DCP2: variants seen among roughly 807,000 people sequenced by gnomAD.
DCP2 encodes decapping mRNA 2, also known as m7GpppN-mRNA hydrolase.
A neutral mutation model predicts 56.1 loss-of-function variants in DCP2; 30 were observed. The ratio of observed to expected loss-of-function variants is 0.53; its 90% confidence interval spans 0.40 to 0.73. The LOEUF (loss-of-function observed/expected upper bound fraction) is 0.73. DCP2 is among the 30% of genes least tolerant of loss of function. The probability of loss-of-function intolerance (pLI) is 0.00; values close to 1 mark genes in which losing one functional copy is unlikely to be tolerated. For synonymous variants in DCP2, 197 were observed against 163.3 expected, an observed-to-expected ratio of 1.21 and a Z score of -1.57; for missense variants, 533 against 502.7, an observed-to-expected ratio of 1.06 and a Z score of -0.58.
At position 113,013,429 on chromosome 5, in the gene DCP2, C is replaced by T; in HGVS notation, c.1208C>T (p.Ala403Val). 6.2e-7 allele frequency: 1 copy of T among 1,614,058 alleles called. No individual in the cohort carries two copies. Among genetic ancestry groups the T allele is most frequent in the Non-Finnish European group, 8.5e-7 (1 of 1,179,974 alleles). The change falls in exon 11 of 11, where the codon GCC becomes GTC. Residue 403 changes from alanine to valine, a missense_variant. Ala to Val is a moderately conservative substitution (Grantham distance 64). Around this residue, in one of 3 missense-constraint regions of DCP2, gnomAD observed 392 missense variants for 346.6 expected, o/e 1.13. Transcript: ENST00000389063. The part of the protein sequence containing the change: ...GHCKFPFSSR[A>V]FLSFKFDHNA... ...TGCAAGTTCCCCTTTTCATCCAGAG[C>T]CTTTTTGAGTTTCAAGTTTGACCAT...
Position 113,013,541 on chromosome 5 carries a change from G to T in DCP2, c.*57G>T, listed in dbSNP as rs1749766750. On this transcript the variant is annotated 3_prime_UTR_variant, in exon 11 of 11. Transcript: ENST00000389063. ...TCAGAGACCTGTTGAATTTGAGTGGGTGTCTCCTCAAGCCTTACCTTTCTC... is the reference window on the plus strand; with the variant it reads ...TCAGAGACCTGTTGAATTTGAGTGGTTGTCTCCTCAAGCCTTACCTTTCTC... The T allele has an allele frequency of 6.3e-7, 1 of 1,590,350 alleles. No individual in the cohort carries two copies. The highest frequency in any genetic ancestry group is 8.6e-7 in the Non-Finnish European group (1 of 1,163,982).
chr5:112,984,695 A>ATATATATATATAT (rs1332407058), intron 1 of DCP2: 16 of 75,738 alleles, frequency 2.1e-4, no homozygotes, highest in East Asian at 2.1e-3. Context: ...TTAAAAAAAA[A>ATATATATATATAT]AAAAAAAAAT....
At position 113,017,830 on chromosome 5, in the gene DCP2, A is replaced by G. The variant is rs568991290; in HGVS notation, c.*4346A>G. 3.9e-5 allele frequency: 6 copies of G among 152,160 alleles called. No homozygotes were observed. The highest frequency in any genetic ancestry group is 2.1e-4 in the South Asian group (1 of 4,816). 9.4% of individuals were successfully genotyped at this position (152,160 alleles called of 1,614,324 possible). ...GTCATTCATATATATATGAATATCTATATCTATATCTATACATATATATGT... is the reference window on the plus strand; with the variant it reads ...GTCATTCATATATATATGAATATCTGTATCTATATCTATACATATATATGT... On this transcript the variant is annotated 3_prime_UTR_variant, in exon 11 of 11. Coordinates refer to ENST00000389063, the MANE Select transcript of DCP2 (RefSeq NM_152624.6).
intron 4 of DCP2, among the ~76,000 whole-genome samples, chr5:112,999,602 C>T (rs1306455626): frequency 2.7e-5 from 4 of 150,796 alleles, no homozygotes; most frequent in Admixed American, 6.6e-5. Context: ...GCTGGGATTA[C>T]AGGCGTGAGC....
intron 4 of DCP2, among the ~76,000 whole-genome samples, chr5:112,999,983 A>T (rs1274554385): frequency 1.3e-5 from 2 of 149,540 alleles, no homozygotes; most frequent in Non-Finnish European, 3.0e-5. Flanking sequence ...ATTGCTTGAA[A>T]CTGGGAGGCA....
chr5:112,981,166 G>T (rs749466075), intron 1 of DCP2, among the ~76,000 whole-genome samples: 2 of 151,982 alleles, frequency 1.3e-5, no homozygotes, highest in Non-Finnish European at 2.9e-5. Flanking sequence ...GTACCACCAT[G>T]CCCAGGTATT....
intron 4 of DCP2, among the ~76,000 whole-genome samples, chr5:112,997,058 TATC>T (rs1338975538): frequency 6.6e-6 from 1 of 152,248 alleles, no homozygotes; most frequent in Admixed American, 6.5e-5. Context: ...GGGACTTCCT[TATC>T]ATGCTAACTG....
chr5:112,993,440 C>T (rs146466725), intron 4 of DCP2, among the ~76,000 whole-genome samples: 1 of 151,892 alleles, frequency 6.6e-6, no homozygotes, highest in East Asian at 1.9e-4. Flanking sequence ...GCCTGACCAA[C>T]ATGGAGAAAC....
In DCP2 at chr5:113,005,151, G is replaced by GGTGTGTGGGTGTGTGT. The variant is rs70973659; in HGVS notation, c.942+1081_942+1082insGGTGTGTGTGTGTGTG. Reference sequence around the variant, plus strand: ...TCTCAAAAAAAAAAGTGTGCGTGTGGGTGTGTGTGTGTGTGTGTAAACTGG... The same window carrying GGTGTGTGGGTGTGTGT: ...TCTCAAAAAAAAAAGTGTGCGTGTGGGTGTGTGGGTGTGTGTGTGTGTGTGTGTGTGTGTAAACTGG... On this transcript the variant is annotated intron_variant, in intron 8 of 10. Coordinates refer to ENST00000389063, the MANE Select transcript of DCP2 (RefSeq NM_152624.6). 1.4e-3 allele frequency among the ~76,000 whole-genome samples: 210 copies of GGTGTGTGGGTGTGTGT among 149,516 alleles called. 1 individual carries two copies. The highest frequency in any genetic ancestry group is 4.8e-3 in the African/African-American group (195 of 40,444).
intron 1 of DCP2, among the ~76,000 whole-genome samples, chr5:112,979,602 T>G (rs778732025): frequency 3.2e-4 from 48 of 152,328 alleles, no homozygotes; most frequent in Middle Eastern, 3.4e-3. Flanking sequence ...GTTACTTTGT[T>G]TTTTGATAAA....
At position 113,002,282 on chromosome 5, in the gene DCP2, G is replaced by C. The variant is rs371140055; in HGVS notation, c.806+608G>C. On this transcript the variant is annotated intron_variant, in intron 7 of 10. Coordinates refer to ENST00000389063, the MANE Select transcript of DCP2 (RefSeq NM_152624.6). Reference sequence around the variant, plus strand: ...TACTAGAAGTACAAAAATTAGCTGGGCGTGGTGGCAGGCACCTGTAATCCC... The same window carrying C: ...TACTAGAAGTACAAAAATTAGCTGGCCGTGGTGGCAGGCACCTGTAATCCC... Among the ~76,000 whole-genome samples the C allele has an allele frequency of 2.8e-4, 42 of 152,086 alleles. 1 individual carries two copies. The highest frequency in any genetic ancestry group is 9.6e-4 in the African/African-American group (40 of 41,510).
intron 9 of DCP2, among the ~76,000 whole-genome samples, chr5:113,009,100 C>T (rs966231501): frequency 1.3e-5 from 2 of 152,202 alleles, no homozygotes; most frequent in Non-Finnish European, 2.9e-5. Context: ...CTGCCTCTGC[C>T]TCCCAAAGTG....
intron 9 of DCP2, among the ~76,000 whole-genome samples, chr5:113,009,706 T>G (rs1006353730): frequency 2.6e-5 from 4 of 152,198 alleles, no homozygotes; most frequent in African/African-American, 9.7e-5. Context: ...ATCAAGTTGC[T>G]AAAAATGACA....
intron 1 of DCP2, among the ~76,000 whole-genome samples, chr5:112,979,855 T>C (rs969220345): frequency 1.3e-5 from 2 of 152,188 alleles, no homozygotes; most frequent in African/African-American, 2.4e-5. Context: ...GAAATACTTA[T>C]TTAGTCCCTT....
intron 2 of DCP2, among the ~76,000 whole-genome samples, chr5:112,986,582 C>G (rs539640944): frequency 4.1e-4 from 62 of 152,188 alleles, no homozygotes; most frequent in African/African-American, 1.4e-3. Context: ...AAGTGATCCT[C>G]CTACCTTGGC....
intron 10 of DCP2, among the ~76,000 whole-genome samples, chr5:113,012,321 G>A (rs998147508): frequency 6.6e-6 from 1 of 152,206 alleles, no homozygotes. Context: ...GATTATCACT[G>A]TACTCCAGTT....
intron 1 of DCP2, chr5:112,984,703 A>ATATATATATATAT (rs1554098980): frequency 4.0e-4 from 26 of 64,848 alleles, no homozygotes; most frequent in Middle Eastern, 8.8e-3. Context: ...AAAAAAAAAA[A>ATATATATATATAT]ATATATATAT....
At position 112,976,941 on chromosome 5, in the gene DCP2, C is replaced by G. The variant is rs1333332310; in HGVS notation, c.8C>G (p.Thr3Ser). 6.2e-7 allele frequency: 1 copy of G among 1,606,806 alleles called. No individual in the cohort carries two copies. Among genetic ancestry groups the G allele is most frequent in the Non-Finnish European group, 8.5e-7 (1 of 1,174,800 alleles). ...CTGCTGTGGGTCCTCATCATGGAGACCAAACGGGTGGAGATTCCCGGCAGC... is the reference window on the plus strand; with the variant it reads ...CTGCTGTGGGTCCTCATCATGGAGAGCAAACGGGTGGAGATTCCCGGCAGC... ME[T>S]KRVEIPGSVL... The change falls in exon 1 of 11, where the codon ACC (threonine) becomes AGC (serine). Residue 3 changes from threonine to serine, a missense_variant. Thr to Ser is a moderately conservative substitution (Grantham distance 58). Coordinates refer to ENST00000389063, the MANE Select transcript of DCP2 (RefSeq NM_152624.6).
At chr5:113,008,951 C>A (rs1561704238) in intron 9 of DCP2, among the ~76,000 whole-genome samples, 1 of 151,784 alleles carries the variant, frequency 6.6e-6, no homozygotes, top group Non-Finnish European at 1.5e-5. Context: ...TCAAGTGATT[C>A]CCCTGTCTCA....
Sources: gnomAD v4.1 joint callset for allele counts (sites outside exome capture counted in the v4.1 genomes callset) on GRCh38, gnomAD v4.1.1 for gene constraint, gnomAD v4.1.1 regional missense constraint, MANE v1.5 for transcripts, NCBI Gene and HGNC (gene_info 2026-07-23, HGNC 2026-07-21) for gene names.